The following ITK variants were observed in gnomAD, a reference collection of about 807,000 sequenced individuals.
The protein encoded by ITK is IL2 inducible T cell kinase.
A neutral mutation model predicts 87.6 loss-of-function variants in ITK; 45 were observed. The ratio of observed to expected loss-of-function variants is 0.51; its 90% confidence interval spans 0.40 to 0.66. The LOEUF is 0.66. Among genes scored for constraint, ITK ranks in the 30% least tolerant of loss-of-function variants. ITK has a pLI of 0.00. For synonymous variants in ITK, 303 were observed against 273.6 expected (o/e 1.11, Z -1.06); for missense variants, 605 against 766.3 (o/e 0.79, Z 2.48).
chr5:157,199,785 A>G (rs2071568778), intron 1 of ITK: 1 of 152,248 alleles, frequency 6.6e-6, no homozygotes, highest in Admixed American at 6.5e-5. Context: ...CCTGGAATAT[A>G]GAAAATGTTC....
chr5:157,234,134 T>TCA (rs971362575), intron 8 of ITK, among the ~76,000 whole-genome samples: 1 of 150,964 alleles, frequency 6.6e-6, no homozygotes, highest in African/African-American at 2.4e-5. Flanking sequence ...GCATGTGCCA[T>TCA]CACACCTAAC....
chr5:157,211,207 C>T, intron 2 of ITK, 80 bp from the exon 3 acceptor site: 2 of 1,180,800 alleles, frequency 1.7e-6, no homozygotes, highest in Non-Finnish European at 1.3e-6. Flanking sequence ...CGAGACCCCA[C>T]TCTCGGCTCA....
At chr5:157,195,658 A>C (rs1490281002) in intron 1 of ITK, 1 of 152,236 alleles carries the variant, frequency 6.6e-6, no homozygotes, top group African/African-American at 2.4e-5. Context: ...AATACTTTAT[A>C]CATATACTTG....
Position 157,214,291 on chromosome 5 carries a change from C to T in ITK, c.426C>T (p.Gly142=), listed in dbSNP as rs766255757. Reference sequence around the variant, plus strand: ...CTCAGCTGGAGAAGCTTGCAACAGGCTGTGCCCAATATGATCCAACCAAGA... The same window carrying T: ...CTCAGCTGGAGAAGCTTGCAACAGGTTGTGCCCAATATGATCCAACCAAGA... ...CCSQLEKLAT[G]CAQYDPTKNA... The change falls in exon 4 of 17, where the codon GGC becomes GGT. Residue 142 remains glycine (G), a synonymous_variant. Coordinates refer to ENST00000422843, the MANE Select transcript of ITK (RefSeq NM_005546.4). 1.2e-6 allele frequency: 2 copies of T among 1,612,846 alleles called. No homozygotes were observed. Among genetic ancestry groups the T allele is most frequent in the East Asian group, 2.2e-5 (1 of 44,890 alleles).
chr5:157,186,051 A>C (rs928722030), intron 1 of ITK, among the ~76,000 whole-genome samples: 6 of 152,188 alleles, frequency 3.9e-5, no homozygotes, highest in African/African-American at 1.2e-4. Context: ...TTTGTAGGTC[A>C]AGAAATTGAG....
At position 157,252,718 on chromosome 5, in the gene ITK, T is replaced by C. The variant is rs1296392217; in HGVS notation, c.*40T>C. Reference sequence around the variant, plus strand: ...CAGGCCACGGGCTGCAGATCCTGAATGGAGGAAGGATATGTCCTCATTCCA... The same window carrying C: ...CAGGCCACGGGCTGCAGATCCTGAACGGAGGAAGGATATGTCCTCATTCCA... On this transcript the variant is annotated 3_prime_UTR_variant, in exon 17 of 17. Coordinates refer to ENST00000422843, the MANE Select transcript of ITK (RefSeq NM_005546.4). 1.4e-6 allele frequency: 2 copies of C among 1,436,682 alleles called. No homozygotes were observed. Among genetic ancestry groups the C allele is most frequent in the Admixed American group, 1.7e-5 (1 of 59,782 alleles). 89.0% of individuals were successfully genotyped at this position (1,436,682 alleles called of 1,614,324 possible). A position where few individuals can be genotyped will look rare whatever the true frequency, so the allele number is the denominator to read the frequency against.
intron 1 of ITK, among the ~76,000 whole-genome samples, chr5:157,202,341 G>A (rs920994972): frequency 2.0e-5 from 3 of 152,122 alleles, no homozygotes; most frequent in Non-Finnish European, 2.9e-5. Context: ...AGCCACCCAA[G>A]TGCCTGAGAT....
intron 4 of ITK, among the ~76,000 whole-genome samples, chr5:157,215,861 T>C (rs897556634): frequency 2.0e-5 from 3 of 152,246 alleles, no homozygotes; most frequent in Non-Finnish European, 4.4e-5. Flanking sequence ...CCATGCATGC[T>C]GCAGCTATTC....
At chr5:157,209,057 C>T (rs765924036) in intron 2 of ITK, 64 bp downstream of exon 2, 13 of 1,100,884 alleles carry the variant, frequency 1.2e-5, no homozygotes, top group Admixed American at 5.2e-5. Flanking sequence ...CAGTCACAGC[C>T]GGGTGCAGTG....
intron 11 of ITK, among the ~76,000 whole-genome samples, chr5:157,242,021 T>C (rs984753795): frequency 1.3e-5 from 2 of 152,156 alleles, no homozygotes; most frequent in Non-Finnish European, 2.9e-5. Context: ...ATTAGAAAAA[T>C]ATTAGAAAAC....
intron 1 of ITK, among the ~76,000 whole-genome samples, chr5:157,190,020 A>G (rs1341482293): frequency 6.6e-6 from 1 of 152,206 alleles, no homozygotes; most frequent in Non-Finnish European, 1.5e-5. Flanking sequence ...CAGGTCTGTA[A>G]TGCCTTCCCA....
intron 5 of ITK, among the ~76,000 whole-genome samples, chr5:157,218,567 A>T (rs549083922): frequency 5.0e-4 from 76 of 151,902 alleles, no homozygotes; most frequent in African/African-American, 1.8e-3. Flanking sequence ...TTTTGGAGAC[A>T]TACATTTGTT....
At chr5:157,199,970 G>A (rs1753932736) in intron 1 of ITK, among the ~76,000 whole-genome samples, 1 of 152,068 alleles carries the variant, frequency 6.6e-6, no homozygotes, top group African/African-American at 2.4e-5. Flanking sequence ...ACCTGTTTCT[G>A]GGTTGGGGTT....
intron 4 of ITK, among the ~76,000 whole-genome samples, chr5:157,216,790 C>A (rs1026290493): frequency 6.6e-6 from 1 of 152,106 alleles, no homozygotes; most frequent in Admixed American, 6.5e-5. Flanking sequence ...TAAATAGGAA[C>A]CATACTTCCT....
In ITK at chr5:157,254,439, T is replaced by A. The variant is rs886060333; in HGVS notation, c.*1761T>A. The A allele has an allele frequency of 2.7e-5, 6 of 221,786 alleles. No individual in the cohort carries two copies. Among genetic ancestry groups the A allele is most frequent in the Non-Finnish European group, 4.5e-5 (5 of 110,932 alleles). The allele number at this position is 221,786 out of a possible 1,614,324, so 13.7% of individuals were successfully genotyped here. On this transcript the variant is annotated 3_prime_UTR_variant, in exon 17 of 17. Coordinates refer to ENST00000422843, the MANE Select transcript of ITK (RefSeq NM_005546.4). ...GAAGTATGAGTTCTTCCTTTAATTA[T>A]CATTCCAACTTTCAGCTGTAGTCTT...
At chr5:157,226,556 C>T (rs993449744) in intron 6 of ITK, among the ~76,000 whole-genome samples, 1 of 152,042 alleles carries the variant, frequency 6.6e-6, no homozygotes, top group African/African-American at 2.4e-5. Context: ...GGCAGATGTC[C>T]AATTCTCCAA....
At chr5:157,217,958 T>C (rs756932765) in intron 5 of ITK, 51 bp downstream of exon 5, 3 of 1,500,642 alleles carry the variant, frequency 2.0e-6, no homozygotes, top group Admixed American at 1.7e-5. Context: ...GGCTACCTGA[T>C]TGGCATGTTC....
intron 4 of ITK, among the ~76,000 whole-genome samples, chr5:157,215,000 G>A (rs182311046): frequency 1.3e-5 from 2 of 152,280 alleles, no homozygotes; most frequent in Admixed American, 6.5e-5. Context: ...GGATTGGGCT[G>A]CAACTGGATT....
rs1053873443 is a variant in ITK at position 157,211,269 on chromosome 5, CTG to C, written c.244-8_244-7del. The C allele has an allele frequency of 8.1e-6, 13 of 1,606,844 alleles. No homozygotes were observed. The African/African-American group carries it at 1.1e-4, about 13-fold the overall frequency. The stretch of plus-strand genomic sequence containing the variant: ...CCATGCACGCTGCTCACCTTGAACT[CTG>C]TGTGTGTGTCTCCAGGTGGTGCATG... On this transcript the variant is annotated splice_polypyrimidine_tract_variant and intron_variant, in intron 2 of 16. Transcript: ENST00000422843.
Sources: gnomAD v4.1 joint callset for allele counts (sites outside exome capture counted in the v4.1 genomes callset) on GRCh38, gnomAD v4.1.1 for gene constraint, MANE v1.5 for transcripts, NCBI Gene and HGNC (gene_info 2026-07-23, HGNC 2026-07-21) for gene names.